Variants in ZDHHC13 observed in about 807,000 individuals in gnomAD.
ZDHHC13 encodes the protein palmitoyltransferase ZDHHC13.
ZDHHC13 carries 85 observed loss-of-function variants against 86.0 expected under a neutral mutation model. The ratio of observed to expected loss-of-function variants is 0.99; its 90% CI spans 0.83 to 1.18. The LOEUF is 1.18. Among genes scored for constraint, ZDHHC13 ranks in the 50% most tolerant of loss-of-function variants. ZDHHC13 has a pLI of 0.00. For synonymous variants in ZDHHC13, 263 were observed against 246.4 expected (o/e 1.07, Z -0.63); for missense variants, 711 against 730.2 (o/e 0.97, Z 0.30).
At chr11:19,135,605 C>T (rs934869664) in intron 1 of ZDHHC13, among the ~76,000 whole-genome samples, 12 of 152,224 alleles carry the variant, frequency 7.9e-5, no homozygotes, top group Non-Finnish European at 1.3e-4. Context: ...TCTGTAGGCT[C>T]CACCTCTGGG....
intron 4 of ZDHHC13, among the ~76,000 whole-genome samples, 194 bp downstream of exon 4, chr11:19,147,867 C>A (rs1849509781): frequency 6.8e-6 from 1 of 146,968 alleles, no homozygotes; most frequent in South Asian, 2.2e-4. Flanking sequence ...TTATGATTAT[C>A]CAACTCAAAT....
At chr11:19,155,594 A>AC (rs1196519303) in intron 8 of ZDHHC13, among the ~76,000 whole-genome samples, 1 of 151,968 alleles carries the variant, frequency 6.6e-6, no homozygotes, top group Non-Finnish European at 1.5e-5. Context: ...AAAAAAAAAA[A>AC]AAAAAAAAGA....
chr11:19,174,400 G>A (rs1419048987), intron 16 of ZDHHC13, among the ~76,000 whole-genome samples: 4 of 152,188 alleles, frequency 2.6e-5, no homozygotes, highest in Admixed American at 6.5e-5. Flanking sequence ...TACATTTCTA[G>A]CATGCATCCC....
rs143799325 is a variant in ZDHHC13 at position 19,155,745 on chromosome 11, T to C, written c.874-51T>C. On this transcript the variant is annotated intron_variant, in intron 8 of 16. Transcript: ENST00000446113. ...GTTCTTATATTGCACTATTATTAGA[T>C]ACTTAAGAGGTAAAATCCATAAAGT... The C allele has an allele frequency of 5.1e-4, 814 of 1,583,482 alleles. 5 individuals carry two copies. The African/African-American group carries it at 0.01, about 20-fold the overall frequency.
At chr11:19,163,916 G>A (rs1477764944) in intron 11 of ZDHHC13, among the ~76,000 whole-genome samples, 3 of 152,144 alleles carry the variant, frequency 2.0e-5, no homozygotes, top group African/African-American at 7.2e-5. Context: ...CAGTGTTCCT[G>A]AAAGACCCAG....
In ZDHHC13 at chr11:19,155,874, C is replaced by G; in HGVS notation, c.952C>G (p.Leu318Val). ...YILDFNSDSW[L>V]LKGCLLVTLF... ...ATTGGACTTCAATTCAGATTCTTGG[C>G]TTTTAAAAGGATGTCTTCTAGTAAC... The change falls in exon 9 of 17, where the codon CTT becomes GTT. Residue 318 changes from leucine to valine, a missense_variant. By Grantham distance (32) the Leu-to-Val change is conservative. Transcript: ENST00000446113. 2 of 1,612,468 alleles carry G rather than the reference C, an allele frequency of 1.2e-6. No homozygotes were observed. Among genetic ancestry groups the G allele is most frequent in the South Asian group, 2.2e-5 (2 of 90,756 alleles).
intron 1 of ZDHHC13, among the ~76,000 whole-genome samples, chr11:19,133,737 GA>G (rs1320984608): frequency 2.0e-5 from 3 of 151,594 alleles, no homozygotes; most frequent in South Asian, 4.2e-4. Flanking sequence ...AAACTATAAA[GA>G]AAAGCAAAAA....
chr11:19,146,370 C>CT, intron 3 of ZDHHC13, 67 bp downstream of exon 3: 2 of 1,544,144 alleles, frequency 1.3e-6, no homozygotes, highest in South Asian at 1.2e-5. Context: ...TTATCTTTTT[C>CT]TTTAAGTATG....
chr11:19,147,306 G>A (rs539201283), intron 3 of ZDHHC13, among the ~76,000 whole-genome samples: 3 of 152,160 alleles, frequency 2.0e-5, no homozygotes, highest in South Asian at 2.1e-4. Context: ...AGAGTGCTGC[G>A]GTAGTTAGAC....
intron 1 of ZDHHC13, among the ~76,000 whole-genome samples, chr11:19,125,077 C>T (rs1481124488): frequency 1.3e-5 from 2 of 152,058 alleles, no homozygotes; most frequent in East Asian, 1.9e-4. Context: ...AGTTTTTAGA[C>T]GTGACACCAA....
Position 19,133,942 on chromosome 11 carries a change from T to TATATATATATATATGTATATATACAC in ZDHHC13, c.28-9035_28-9034insTATATATATATATGTATATATACACA. Among the ~76,000 whole-genome samples, 3 of 96,122 alleles carry TATATATATATATATGTATATATACAC rather than the reference T, an allele frequency of 3.1e-5. No homozygotes were observed. The East Asian group carries it at 7.2e-4, about 23-fold the overall frequency. 63.1% of individuals were successfully genotyped at this position (96,122 alleles called of 152,430 possible). On this transcript the variant is annotated intron_variant, in intron 1 of 16. Transcript: ENST00000446113. Reference sequence around the variant, plus strand: ...GTCCATATATATATATATATATATATACACGTATGTGTTTTATATACTTCA... The same window carrying TATATATATATATATGTATATATACAC: ...GTCCATATATATATATATATATATATATATATATATATATGTATATATACACACACGTATGTGTTTTATATACTTCA...
intron 4 of ZDHHC13, 68 bp from the exon 5 acceptor site, chr11:19,149,119 A>G (rs776477365): frequency 1.8e-4 from 232 of 1,316,146 alleles, no homozygotes; most frequent in Non-Finnish European, 2.2e-4. Context: ...TCTTAGGAAT[A>G]TCAGTCTCTC....
chr11:19,117,584 G>A lies in ZDHHC13; in HGVS notation c.27+308G>A, dbSNP rs1848671693. Reference sequence around the variant, plus strand: ...CGGGGACCTCTGTGGGCCTGGGGAGGGGACGATGGCCCTTCCCGGGAGAGG... The same window carrying A: ...CGGGGACCTCTGTGGGCCTGGGGAGAGGACGATGGCCCTTCCCGGGAGAGG... On this transcript the variant is annotated intron_variant, in intron 1 of 16. Coordinates refer to ENST00000446113, the MANE Select transcript of ZDHHC13 (RefSeq NM_019028.3). This position sits in a 1 kb window ranked among gnomAD's most constrained non-coding sequence, Gnocchi z 4.2. 2.8e-6 allele frequency: 1 copy of A among 360,248 alleles called. No individual in the cohort carries two copies. The highest frequency in any genetic ancestry group is 4.5e-5 in the Admixed American group (1 of 22,150). 22.3% of individuals were successfully genotyped at this position (360,248 alleles called of 1,614,324 possible).
intron 8 of ZDHHC13, 128 bp from the exon 9 acceptor site, chr11:19,155,668 C>A: frequency 2.1e-5 from 18 of 875,550 alleles, no homozygotes; most frequent in South Asian, 1.4e-4. Context: ...TAGAGGAAAA[C>A]TTTGTGTTAG....
In ZDHHC13 at chr11:19,117,344, G is replaced by A. The variant is rs1766353618; in HGVS notation, c.27+68G>A. 7.1e-7 allele frequency: 1 copy of A among 1,401,510 alleles called. No homozygotes were observed. The highest frequency in any genetic ancestry group is 9.3e-7 in the Non-Finnish European group (1 of 1,075,220). The allele number at this position is 1,401,510 out of a possible 1,614,324, so 86.8% of individuals were successfully genotyped here. A position where few individuals can be genotyped will look rare whatever the true frequency, so the allele number is the denominator to read the frequency against. ...CGGCTGCAGCTGTGGAGGAAAGGAT[G>A]GTGTGGGTGAGAGGCCGCTCGATGA... is the stretch of plus-strand genomic sequence containing the variant. On this transcript the variant is annotated intron_variant, in intron 1 of 16. Coordinates refer to ENST00000446113, the MANE Select transcript of ZDHHC13 (RefSeq NM_019028.3). This position sits in a 1 kb window ranked among gnomAD's most constrained non-coding sequence, Gnocchi z 4.2.
At chr11:19,131,006 C>T (rs975698800) in intron 1 of ZDHHC13, among the ~76,000 whole-genome samples, 11 of 151,940 alleles carry the variant, frequency 7.2e-5, no homozygotes, top group Admixed American at 2.0e-4. Flanking sequence ...CCACCATGCC[C>T]GGCTAATTTT....
rs187783656 is a variant in ZDHHC13 at position 19,119,441 on chromosome 11, C to T, written c.27+2165C>T. Among the ~76,000 whole-genome samples, 76 of 152,316 alleles carry T rather than the reference C, an allele frequency of 5.0e-4. 1 individual carries two copies. The East Asian group carries it at 0.013, about 26-fold the overall frequency. On this transcript the variant is annotated intron_variant, in intron 1 of 16. Transcript: ENST00000446113. ...TTTACTGTCTTGCTTGCCCGGTCAT[C>T]CCCAGCCACACCAGCCTCAGAGTCT...
rs1850174968 is a variant in ZDHHC13, at chr11:19,169,976, G to A, written c.1475-435G>A. ...TTCTGATGATATCTAGGTGCTTGTG[G>A]GATATCTTGTGCCCACAGCAATGGC... On this transcript the variant is annotated intron_variant, in intron 14 of 16. Transcript: ENST00000446113. The A allele has an allele frequency of 4.0e-6, 4 of 996,508 alleles. 1 individual carries two copies. The highest frequency in any genetic ancestry group is 1.0e-3 in the Middle Eastern group (2 of 1,952). 61.7% of individuals were successfully genotyped at this position (996,508 alleles called of 1,614,324 possible). A position where few individuals can be genotyped will look rare whatever the true frequency, so the allele number is the denominator to read the frequency against.
At chr11:19,156,744 C>T (rs1849766631) in intron 9 of ZDHHC13, among the ~76,000 whole-genome samples, 1 of 152,164 alleles carries the variant, frequency 6.6e-6, no homozygotes, top group South Asian at 2.1e-4. Context: ...ACCTGCCTGT[C>T]TCCATCTCCA....
Sources: allele counts gnomAD v4.1 joint callset (sites outside exome capture counted in the v4.1 genomes callset), GRCh38; gene constraint gnomAD v4.1.1; non-coding constraint Gnocchi (gnomAD v3.1); transcripts MANE v1.5; gene names NCBI Gene and HGNC (gene_info 2026-07-23, HGNC 2026-07-21).